AHCYL2: variants seen among roughly 807,000 people sequenced by gnomAD.
AHCYL2 encodes the protein adenosylhomocysteinase like 2.
In AHCYL2, 28 loss-of-function variants were observed where a neutral mutation model predicts 81.4. That is an observed-to-expected ratio of 0.34 (90% CI 0.25 to 0.47). The LOEUF (loss-of-function observed/expected upper bound fraction) is 0.47. Among genes scored for constraint, AHCYL2 ranks in the 20% least tolerant of loss-of-function variants. The pLI, the probability that AHCYL2 is intolerant of heterozygous loss-of-function variation, is 1.00. For synonymous variants in AHCYL2, 272 were observed against 290.2 expected (o/e 0.94, Z 0.64); for missense variants, 551 against 785.1 (o/e 0.70, Z 3.56).
At chr7:129,366,422 C>A (rs940597638) in intron 1 of AHCYL2, among the ~76,000 whole-genome samples, 1 of 152,152 alleles carries the variant, frequency 6.6e-6, no homozygotes, top group Non-Finnish European at 1.5e-5. Context: ...GTAATGAAGG[C>A]CTTACAGGGT....
chr7:129,390,319 C>T (rs968554682), intron 4 of AHCYL2, among the ~76,000 whole-genome samples: 1 of 152,122 alleles, frequency 6.6e-6, no homozygotes, highest in East Asian at 1.9e-4. Flanking sequence ...AGGATGTGCA[C>T]AGATTATATG....
chr7:129,339,701 ATT>A (rs879264966), intron 1 of AHCYL2, among the ~76,000 whole-genome samples: 2 of 144,646 alleles, frequency 1.4e-5, no homozygotes, highest in Non-Finnish European at 1.5e-5. Context: ...CTTGCTAATT[ATT>A]TTTTTTTTTT....
Position 129,250,338 on chromosome 7 carries a change from T to C in AHCYL2, c.363+24899T>C, listed in dbSNP as rs182332251. ...TTTGAGCTCCTGCTTTCAATTCTTT[T>C]GGATATATACCTAAGAGTGGAATTG... On this transcript the variant is annotated intron_variant, in intron 1 of 16. Coordinates refer to ENST00000325006, the MANE Select transcript of AHCYL2 (RefSeq NM_015328.4). Among the ~76,000 whole-genome samples, 11 of 152,380 alleles carry C rather than the reference T, an allele frequency of 7.2e-5. No homozygotes were observed. The East Asian group carries it at 1.2e-3, about 16-fold the overall frequency.
At chr7:129,251,316 GATTT>G (rs57114222) in intron 1 of AHCYL2, among the ~76,000 whole-genome samples, 509 of 85,538 alleles carry the variant, frequency 6.0e-3, no homozygotes, top group African/African-American at 0.018. Context: ...AGATAGTAAA[GATTT>G]TTTTTTTTTT....
At chr7:129,279,168 T>C (rs930302398) in intron 1 of AHCYL2, among the ~76,000 whole-genome samples, 1 of 152,176 alleles carries the variant, frequency 6.6e-6, no homozygotes, top group Non-Finnish European at 1.5e-5. Context: ...CTTAACAATA[T>C]TGAATCTTTT....
At chr7:129,254,502 T>A (rs2150707365) in intron 1 of AHCYL2, among the ~76,000 whole-genome samples, 1 of 152,338 alleles carries the variant, frequency 6.6e-6, no homozygotes, top group South Asian at 2.1e-4. Context: ...AAACTCTGAT[T>A]ATATTATAAA....
chr7:129,399,028 G>T (rs1795886481), intron 5 of AHCYL2, among the ~76,000 whole-genome samples: 3 of 149,378 alleles, frequency 2.0e-5, no homozygotes, highest in Admixed American at 1.4e-4. Flanking sequence ...TGTAATCCTA[G>T]CTACTCATGA....
chr7:129,397,531 A>G (rs1405718173), intron 5 of AHCYL2, among the ~76,000 whole-genome samples: 1 of 152,242 alleles, frequency 6.6e-6, no homozygotes, highest in Non-Finnish European at 1.5e-5. Context: ...GTTGACAAAT[A>G]TCTACCTATG....
At chr7:129,399,715 C>G (rs1392498921) in intron 5 of AHCYL2, among the ~76,000 whole-genome samples, 1 of 146,936 alleles carries the variant, frequency 6.8e-6, no homozygotes, top group African/African-American at 2.5e-5. Flanking sequence ...TTTGTTTTCC[C>G]TTTAGTCACT....
intron 4 of AHCYL2, among the ~76,000 whole-genome samples, chr7:129,393,299 T>A (rs1795559184): frequency 6.6e-6 from 1 of 152,152 alleles, no homozygotes. Flanking sequence ...GTGCCTGTAG[T>A]TCCAGCTACT....
At chr7:129,287,036 A>G (rs1383452643) in intron 1 of AHCYL2, among the ~76,000 whole-genome samples, 1 of 149,356 alleles carries the variant, frequency 6.7e-6, no homozygotes, top group African/African-American at 2.5e-5. Context: ...TAAAACAAAG[A>G]CATTTAATGG....
intron 1 of AHCYL2, among the ~76,000 whole-genome samples, chr7:129,299,493 A>G (rs971875732): frequency 2.1e-5 from 3 of 142,444 alleles, no homozygotes; most frequent in African/African-American, 7.8e-5. Flanking sequence ...TCCCGGGTTC[A>G]CGCCATTCTC....
At chr7:129,380,634 G>T (rs561750868) in intron 2 of AHCYL2, among the ~76,000 whole-genome samples, 2 of 152,176 alleles carry the variant, frequency 1.3e-5, no homozygotes, top group East Asian at 3.9e-4. Flanking sequence ...TTTTACATTT[G>T]TCTTTTTACT....
At chr7:129,340,372 C>G (rs1420761246) in intron 1 of AHCYL2, among the ~76,000 whole-genome samples, 1 of 150,938 alleles carries the variant, frequency 6.6e-6, no homozygotes, top group African/African-American at 2.4e-5. Flanking sequence ...TCGAGACCAT[C>G]CTGGCTAACA....
At chr7:129,225,887 T>C (rs1030977533) in intron 1 of AHCYL2, among the ~76,000 whole-genome samples, 65 of 152,336 alleles carry the variant, frequency 4.3e-4, no homozygotes, top group African/African-American at 1.5e-3. Context: ...TCACCTTGCA[T>C]AGAAATCGTC....
At chr7:129,291,525 T>C (rs1437220164) in intron 1 of AHCYL2, among the ~76,000 whole-genome samples, 2 of 151,966 alleles carry the variant, frequency 1.3e-5, no homozygotes. Flanking sequence ...TTTTTTTTTT[T>C]TTTTTGCAGG....
At chr7:129,290,286 G>A (rs946477664) in intron 1 of AHCYL2, among the ~76,000 whole-genome samples, 5 of 151,934 alleles carry the variant, frequency 3.3e-5, no homozygotes, top group Non-Finnish European at 5.9e-5. Context: ...GGCGGATCAC[G>A]AGGTCAGGAG....
At chr7:129,393,981 T>C (rs80343131) in intron 4 of AHCYL2, among the ~76,000 whole-genome samples, 1 of 152,212 alleles carries the variant, frequency 6.6e-6, no homozygotes, top group East Asian at 1.9e-4. Flanking sequence ...CTTTTTGTAT[T>C]TCAGTTCAGT....
chr7:129,415,721 C>T (rs1271227401), intron 12 of AHCYL2, among the ~76,000 whole-genome samples: 4 of 151,780 alleles, frequency 2.6e-5, no homozygotes, highest in Non-Finnish European at 4.4e-5. Flanking sequence ...GAGGCCAAGG[C>T]GGGATGATTA....
Sources: gnomAD v4.1 joint callset for allele counts (sites outside exome capture counted in the v4.1 genomes callset) on GRCh38, gnomAD v4.1.1 for gene constraint, MANE v1.5 for transcripts, NCBI Gene and HGNC (gene_info 2026-07-23, HGNC 2026-07-21) for gene names.